The following KAZN variants were observed in gnomAD, a reference collection of about 807,000 sequenced individuals.
KAZN encodes the protein kazrin.
Under a neutral mutation model 87.4 loss-of-function variants are expected in KAZN, and 40 were observed. The ratio of observed to expected loss-of-function variants is 0.46; its 90% CI spans 0.36 to 0.60. The LOEUF (loss-of-function observed/expected upper bound fraction) is 0.60. KAZN is among the 20% of genes least tolerant of loss of function. The probability of loss-of-function intolerance (pLI) is 0.00; values close to 1 mark genes in which losing one functional copy is unlikely to be tolerated. For synonymous variants in KAZN, 466 were observed against 458.3 expected (o/e 1.02, Z -0.22); for missense variants, 898 against 1,073.9 (o/e 0.84, Z 2.29).
At chr1:13,914,818 T>C (rs369935330) in intron 1 of KAZN, among the ~76,000 whole-genome samples, 2 of 152,176 alleles carry the variant, frequency 1.3e-5, no homozygotes, top group African/African-American at 2.4e-5. Context: ...GTGGCTGCAA[T>C]GGGAACCTCA....
chr1:14,686,861 A>G (rs1475159674), intron 1 of KAZN, among the ~76,000 whole-genome samples: 1 of 152,232 alleles, frequency 6.6e-6, no homozygotes, highest in African/African-American at 2.4e-5. Flanking sequence ...CTGGAATTCT[A>G]TTGTTCAGAA....
Position 13,963,155 on chromosome 1 carries a change from G to A in KAZN, c.91+69399G>A, listed in dbSNP as rs555847675. Among the ~76,000 whole-genome samples, 168 of 152,230 alleles carry A rather than the reference G, an allele frequency of 1.1e-3. 1 individual carries two copies. Among genetic ancestry groups the A allele is most frequent in the African/African-American group, 3.9e-3 (163 of 41,530 alleles). ...AATCTCTCTAATGTCTGTGGTGATGGGGAGTGGGGAAAGAGGGGCTGGAGA... is the reference window on the plus strand; with the variant it reads ...AATCTCTCTAATGTCTGTGGTGATGAGGAGTGGGGAAAGAGGGGCTGGAGA... On this transcript the variant is annotated intron_variant, in intron 1 of 16. Transcript: ENST00000636203.
At chr1:14,365,316 G>A (rs1659884412) in intron 2 of KAZN, among the ~76,000 whole-genome samples, 3 of 151,556 alleles carry the variant, frequency 2.0e-5, no homozygotes, top group Non-Finnish European at 1.5e-5. Flanking sequence ...TAAAGTGCTG[G>A]GATTACAGGT....
At position 14,769,907 on chromosome 1, in the gene KAZN, T is replaced by C. The variant is rs1249970884; in HGVS notation, c.226+170684T>C. 1.3e-5 allele frequency among the ~76,000 whole-genome samples: 2 copies of C among 151,960 alleles called. No individual in the cohort carries two copies. Among genetic ancestry groups the C allele is most frequent in the Non-Finnish European group, 2.9e-5 (2 of 68,016 alleles). ...GGCTATAGGATCCTAAGTGTAGGAG[T>C]GTAACTCAGCTCAGAGATCAGGGAT... On this transcript the variant is annotated intron_variant, in intron 1 of 14. Transcript: ENST00000376030. This position sits in a 1 kb window ranked among gnomAD's most constrained non-coding sequence, Gnocchi z 4.1.
intron 1 of KAZN, among the ~76,000 whole-genome samples, chr1:14,947,413 G>A (rs978132881): frequency 6.6e-6 from 1 of 152,216 alleles, no homozygotes; most frequent in Non-Finnish European, 1.5e-5. Context: ...CCTTGGGGAG[G>A]GGAGGAGATT....
Position 14,544,632 on chromosome 1 carries a change from G to A in KAZN, c.250-54351G>A, listed in dbSNP as rs1019593544. On this transcript the variant is annotated intron_variant, in intron 2 of 16. Transcript: ENST00000636203. ...GCCAGAGGTGGTATGGGCTAAAAAC[G>A]CAACTAGCTTCAGAAAGGGTTTAGA... is the stretch of plus-strand genomic sequence containing the variant. Among the ~76,000 whole-genome samples the A allele has an allele frequency of 2.6e-5, 4 of 151,240 alleles. 1 individual carries two copies. The highest frequency in any genetic ancestry group is 1.3e-4 in the Admixed American group (2 of 15,138).
chr1:15,104,243 G>C (rs1039868785), intron 13 of KAZN, 54 bp downstream of exon 13: 10 of 1,477,068 alleles, frequency 6.8e-6, no homozygotes, highest in Non-Finnish European at 9.0e-6. Flanking sequence ...GTACAGCTCA[G>C]GGCTTTGGAA....
rs564762209 is a variant in KAZN, at chr1:13,930,457, C to CA, written c.91+36703dup. Among the ~76,000 whole-genome samples the CA allele has an allele frequency of 6.9e-4, 105 of 152,288 alleles. 1 individual carries two copies. The highest frequency in any genetic ancestry group is 3.4e-3 in the Middle Eastern group (1 of 294). ...CACATGTCATTATTACAATGGGATA[C>CA]AATGGGATCCCTGATACAATGGAAT... On this transcript the variant is annotated intron_variant, in intron 1 of 16. Coordinates refer to the KAZN transcript ENST00000636203.
chr1:13,902,687 G>T (rs1639292430), intron 1 of KAZN, among the ~76,000 whole-genome samples: 1 of 152,128 alleles, frequency 6.6e-6, no homozygotes, highest in Non-Finnish European at 1.5e-5. Context: ...TAGAGGAGAA[G>T]AATGGGAATG....
At chr1:14,717,791 C>T (rs1295997051) in intron 1 of KAZN, among the ~76,000 whole-genome samples, 1 of 152,178 alleles carries the variant, frequency 6.6e-6, no homozygotes, top group Non-Finnish European at 1.5e-5. Flanking sequence ...GGCAGTTTGT[C>T]CTGGACCTCA....
chr1:14,949,989 G>A lies in KAZN; in HGVS notation c.227-10695G>A, dbSNP rs565388102. ...GGCTTCACCGGAAGAGCCTCTGCAC[G>A]GAAGACGGTTTCAACACCACCTAAC... On this transcript the variant is annotated intron_variant, in intron 1 of 14. Transcript: ENST00000376030. The surrounding 1 kb of genome is among the most constrained non-coding windows in gnomAD (Gnocchi z 4.3). Among the ~76,000 whole-genome samples the A allele has an allele frequency of 1.7e-4, 26 of 152,154 alleles. No individual in the cohort carries two copies. The highest frequency in any genetic ancestry group is 5.5e-4 in the African/African-American group (23 of 41,450).
intron 2 of KAZN, among the ~76,000 whole-genome samples, chr1:14,510,729 T>A (rs955020942): frequency 2.0e-5 from 3 of 152,112 alleles, no homozygotes; most frequent in African/African-American, 7.2e-5. Context: ...AGAGAGTCAA[T>A]GTTGATCAGG....
At chr1:14,997,580 G>T (rs1053865168) in intron 2 of KAZN, among the ~76,000 whole-genome samples, 2 of 152,062 alleles carry the variant, frequency 1.3e-5, no homozygotes, top group East Asian at 3.9e-4. Context: ...ATTGGCTGTC[G>T]GCTCCAGGAG....
At chr1:13,944,154 T>G (rs12759000) in intron 1 of KAZN, among the ~76,000 whole-genome samples, 6,370 of 152,252 alleles carry the variant, frequency 0.042, 173 homozygotes, top group Middle Eastern at 0.075. Flanking sequence ...GACAGAGAAG[T>G]GTGGCATATC....
chr1:15,012,725 C>T (rs1669701247), intron 2 of KAZN, among the ~76,000 whole-genome samples: 2 of 152,112 alleles, frequency 1.3e-5, no homozygotes, highest in Non-Finnish European at 1.5e-5. Flanking sequence ...AGTTTGAGAC[C>T]AACCTGTCCA....
chr1:14,317,657 T>C (rs187634235), intron 2 of KAZN, among the ~76,000 whole-genome samples: 299 of 152,104 alleles, frequency 2.0e-3, no homozygotes, highest in African/African-American at 7.0e-3. Flanking sequence ...TCTGTCTTTT[T>C]CTCCATCTTC....
rs1445823501 is a variant in KAZN, at chr1:14,243,365, C to T, written c.249+62773C>T. Reference sequence around the variant, plus strand: ...GAAGGTAAATTTTCCTTTATCTTTTCTCCACCAGTCTCTGGGAGGTGGAGG... The same window carrying T: ...GAAGGTAAATTTTCCTTTATCTTTTTTCCACCAGTCTCTGGGAGGTGGAGG... On this transcript the variant is annotated intron_variant, in intron 2 of 16. Coordinates refer to the KAZN transcript ENST00000636203. Among the ~76,000 whole-genome samples the T allele has an allele frequency of 2.6e-5, 4 of 152,152 alleles. No homozygotes were observed. The East Asian group carries it at 7.7e-4, about 29-fold the overall frequency.
At chr1:14,276,160 G>GGGGTGTGTGTGT (rs1322308830) in intron 2 of KAZN, among the ~76,000 whole-genome samples, 1 of 135,692 alleles carries the variant, frequency 7.4e-6, no homozygotes, top group Non-Finnish European at 1.7e-5. Flanking sequence ...TCGCTATAAG[G>GGGGTGTGTGTGT]GTGTGTGTGT....
intron 2 of KAZN, among the ~76,000 whole-genome samples, chr1:14,341,325 C>G (rs1557650751): frequency 2.0e-5 from 3 of 152,214 alleles, no homozygotes; most frequent in Admixed American, 1.3e-4. Flanking sequence ...CAGGCACCTG[C>G]AGTTGACCCT....
Sources: allele counts gnomAD v4.1 joint callset (sites outside exome capture counted in the v4.1 genomes callset), GRCh38; gene constraint gnomAD v4.1.1; non-coding constraint Gnocchi (gnomAD v3.1); transcripts MANE v1.5; gene names NCBI Gene and HGNC (gene_info 2026-07-23, HGNC 2026-07-21).